IPO9: variants seen among roughly 807,000 people sequenced by gnomAD.
The protein encoded by IPO9 is importin-9.
IPO9 carries 28 observed loss-of-function variants against 128.6 expected under a neutral mutation model. That is an observed-to-expected ratio of 0.22 (90% CI 0.16 to 0.30). The LOEUF (loss-of-function observed/expected upper bound fraction) is 0.30, where lower values mean the gene tolerates loss of function less well. Ranked by LOEUF, IPO9 falls within the 10% of genes least tolerant of loss-of-function variation. The pLI is 1.00. For synonymous variants in IPO9, 455 were observed against 475.8 expected (o/e 0.96, Z 0.57); for missense variants, 935 against 1,293.9 (o/e 0.72, Z 4.26).
At chr1:201,849,148 C>T (rs1461100232) in intron 4 of IPO9, among the ~76,000 whole-genome samples, 1 of 152,160 alleles carries the variant, frequency 6.6e-6, no homozygotes, top group Non-Finnish European at 1.5e-5. Context: ...CCATGTAATC[C>T]TGACCTTCAT....
intron 1 of IPO9, among the ~76,000 whole-genome samples, chr1:201,844,883 T>TA (rs1680097755): frequency 6.6e-6 from 1 of 152,184 alleles, no homozygotes. Context: ...TGATAGACAA[T>TA]AAAAAATAAT....
intron 4 of IPO9, among the ~76,000 whole-genome samples, chr1:201,849,458 A>G (rs1281781192): frequency 6.6e-6 from 1 of 152,220 alleles, no homozygotes; most frequent in Non-Finnish European, 1.5e-5. Context: ...TTTAGAAATC[A>G]TCTTTCTCCT....
At position 201,882,588 on chromosome 1, in the gene IPO9, AAAATT is replaced by A. The variant is rs1341021416; in HGVS notation, c.*6535_*6539del. 1 of 152,082 alleles carries A rather than the reference AAAATT, an allele frequency of 6.6e-6. No individual in the cohort carries two copies. The highest frequency in any genetic ancestry group is 1.5e-5 in the Non-Finnish European group (1 of 68,010). 9.4% of individuals were successfully genotyped at this position (152,082 alleles called of 1,614,324 possible). Reference sequence around the variant, plus strand: ...AGGGTGGCATTACTGCTGGCTTCCTAAAATTGAAAAGTATACTAGGGTTTTTAAAC... The same window carrying A: ...AGGGTGGCATTACTGCTGGCTTCCTAGAAAAGTATACTAGGGTTTTTAAAC... On this transcript the variant is annotated 3_prime_UTR_variant, in exon 24 of 24. Transcript: ENST00000361565.
chr1:201,864,625 T>C (rs1680515996), intron 14 of IPO9, among the ~76,000 whole-genome samples: 1 of 152,240 alleles, frequency 6.6e-6, no homozygotes, highest in African/African-American at 2.4e-5. Context: ...AGCTGCAAGC[T>C]GTGAGAGGAG....
rs114659392 is a variant in IPO9 at position 201,852,088 on chromosome 1, A to T, written c.515-16A>T. The T allele has an allele frequency of 4.6e-6, 7 of 1,534,328 alleles. No individual in the cohort carries two copies. Among genetic ancestry groups the T allele is most frequent in the Non-Finnish European group, 3.6e-6 (4 of 1,109,988 alleles). On this transcript the variant is annotated splice_polypyrimidine_tract_variant and intron_variant, in intron 4 of 23. Coordinates refer to ENST00000361565, the MANE Select transcript of IPO9 (RefSeq NM_018085.5). ...GCAGTATTTTTTTTTTAACAGTACT[A>T]CTTTTTTCTTTGTAGAATTCACTCG...
rs1361162866 is a variant in IPO9, at chr1:201,866,797, C to T, written c.1693C>T (p.Leu565Phe). The change falls in exon 15 of 24, where the codon CTT becomes TTT. Residue 565 changes from leucine (L) to phenylalanine (F), a missense_variant. By Grantham distance (22) the Leu-to-Phe change is conservative (BLOSUM62 0). This residue lies in a region of IPO9 where 741 missense variants were observed against 1,019.1 expected (regional missense o/e 0.73). Transcript: ENST00000361565. ...GCTCCAGCCCTTCCTCCCCAGCATC[C>T]TTGATGGCTTAATTCACCTAGCAGC... ...HVLQPFLPSI[L>F]DGLIHLAAQF... is the part of the protein sequence containing the mutation. 1 of 1,614,154 alleles carries T rather than the reference C, an allele frequency of 6.2e-7. No individual in the cohort carries two copies. Among genetic ancestry groups the T allele is most frequent in the Non-Finnish European group, 8.5e-7 (1 of 1,180,032 alleles).
chr1:201,854,298 T>C (rs532174225), intron 6 of IPO9, among the ~76,000 whole-genome samples: 1 of 152,342 alleles, frequency 6.6e-6, no homozygotes, highest in South Asian at 2.1e-4. Context: ...ATGGCCCTCT[T>C]GTGTGAAGCA....
chr1:201,833,227 A>ATT (rs5780090), intron 1 of IPO9, among the ~76,000 whole-genome samples: 224 of 147,404 alleles, frequency 1.5e-3, no homozygotes, highest in East Asian at 3.8e-3. Context: ...TCCTGGAATG[A>ATT]TTTTTTTTTT....
intron 1 of IPO9, among the ~76,000 whole-genome samples, chr1:201,839,308 C>A (rs1482157463): frequency 2.6e-5 from 4 of 151,888 alleles, no homozygotes; most frequent in Non-Finnish European, 5.9e-5. Flanking sequence ...CATCTGCCTC[C>A]CAGGCCCAAG....
chr1:201,832,559 G>A (rs954428686), intron 1 of IPO9, among the ~76,000 whole-genome samples: 1 of 152,182 alleles, frequency 6.6e-6, no homozygotes, highest in Non-Finnish European at 1.5e-5. Context: ...CGGCCAGGCC[G>A]GAAACACTCT....
At chr1:201,863,351 C>T (rs1344584833) in intron 13 of IPO9, 97 bp from the exon 14 acceptor site, 1 of 988,746 alleles carries the variant, frequency 1.0e-6, no homozygotes, top group Non-Finnish European at 1.4e-6. Context: ...GACTCCATCT[C>T]AAAAAAAAAA....
intron 6 of IPO9, among the ~76,000 whole-genome samples, chr1:201,853,617 C>G (rs1336263459): frequency 6.6e-6 from 1 of 152,130 alleles, no homozygotes; most frequent in East Asian, 1.9e-4. Flanking sequence ...GTGGCATGAT[C>G]ATAGCTCACT....
rs1463761940 is a variant in IPO9 at position 201,880,949 on chromosome 1, T to G, written c.*4895T>G. The G allele has an allele frequency of 6.6e-6, 1 of 152,218 alleles. No homozygotes were observed. The highest frequency in any genetic ancestry group is 1.5e-5 in the Non-Finnish European group (1 of 68,032). The allele number at this position is 152,218 out of a possible 1,614,324, so 9.4% of individuals were successfully genotyped here. A position where few individuals can be genotyped will look rare whatever the true frequency, so the allele number is the denominator to read the frequency against. ...GCTAATGTAAGTGATCTGAGTAGGT[T>G]TAAGGTAGCCTAGGTGTATTAAATG... On this transcript the variant is annotated 3_prime_UTR_variant, in exon 24 of 24. Transcript: ENST00000361565.
Position 201,868,517 on chromosome 1 carries a change from C to G in IPO9, c.1856-131C>G, listed in dbSNP as rs146669133. 7.2e-4 allele frequency: 656 copies of G among 912,690 alleles called. 2 individuals are homozygous for G. The African/African-American group carries it at 9.5e-3, about 13-fold the overall frequency. 56.5% of individuals were successfully genotyped at this position (912,690 alleles called of 1,614,324 possible). A position where few individuals can be genotyped will look rare whatever the true frequency, so the allele number is the denominator to read the frequency against. On this transcript the variant is annotated intron_variant, in intron 15 of 23. Transcript: ENST00000361565. Reference sequence around the variant, plus strand: ...GGTTATTCATGTGGCCCCACTAGGTCCCGGGTATGTGATAAGTAATCAATG... The same window carrying G: ...GGTTATTCATGTGGCCCCACTAGGTGCCGGGTATGTGATAAGTAATCAATG...
At position 201,876,383 on chromosome 1, in the gene IPO9, T is replaced by C. The variant is rs1301599882; in HGVS notation, c.*329T>C. 2.3e-6 allele frequency: 1 copy of C among 429,448 alleles called. No homozygotes were observed. The highest frequency in any genetic ancestry group is 4.4e-6 in the Non-Finnish European group (1 of 228,102). The allele number at this position is 429,448 out of a possible 1,614,324, so 26.6% of individuals were successfully genotyped here. A position where few individuals can be genotyped will look rare whatever the true frequency, so the allele number is the denominator to read the frequency against. On this transcript the variant is annotated 3_prime_UTR_variant, in exon 24 of 24. Coordinates refer to ENST00000361565, the MANE Select transcript of IPO9 (RefSeq NM_018085.5). ...TTATTGCCCAGAAGGATTATGTGTT[T>C]ATGGATTATTTTGCCCCGCCTCAGG...
intron 1 of IPO9, among the ~76,000 whole-genome samples, chr1:201,833,464 C>A (rs774010829): frequency 9.9e-5 from 15 of 152,256 alleles, no homozygotes; most frequent in Non-Finnish European, 1.9e-4. Context: ...GTCTCGAACT[C>A]CTGACCTCAG....
chr1:201,837,859 T>C (rs1679966541), intron 1 of IPO9, among the ~76,000 whole-genome samples: 1 of 151,580 alleles, frequency 6.6e-6, no homozygotes, highest in Admixed American at 6.6e-5. Context: ...TCACTTGAGG[T>C]TGGGAGTTTG....
chr1:201,846,350 A>G (rs1384080272), intron 1 of IPO9, among the ~76,000 whole-genome samples: 1 of 152,170 alleles, frequency 6.6e-6, no homozygotes, highest in South Asian at 2.1e-4. Flanking sequence ...AGATGGTCCC[A>G]TGATATTTTG....
At chr1:201,853,627 T>C (rs1175513705) in intron 6 of IPO9, among the ~76,000 whole-genome samples, 2 of 152,212 alleles carry the variant, frequency 1.3e-5, no homozygotes, top group Non-Finnish European at 1.5e-5. Context: ...CATAGCTCAC[T>C]GCAGCCTCAA....
Sources: allele counts gnomAD v4.1 joint callset (sites outside exome capture counted in the v4.1 genomes callset), GRCh38; gene constraint gnomAD v4.1.1; regional missense constraint gnomAD v4.1.1; transcripts MANE v1.5; gene names NCBI Gene and HGNC (gene_info 2026-07-23, HGNC 2026-07-21).